The following TOPBP1 variants were observed in gnomAD, a reference collection of about 807,000 sequenced individuals.
The protein encoded by TOPBP1 is DNA topoisomerase 2-binding protein 1.
Under a neutral mutation model 167.7 loss-of-function variants are expected in TOPBP1, and 28 were observed. That is an observed-to-expected ratio of 0.17 (90% CI 0.12 to 0.23). The LOEUF is 0.23. Ranked by LOEUF, TOPBP1 falls within the 10% of genes least tolerant of loss-of-function variation. The pLI, the probability that TOPBP1 is intolerant of heterozygous loss-of-function variation, is 1.00. For synonymous variants in TOPBP1, 598 were observed against 611.4 expected (o/e 0.98, Z 0.32); for missense variants, 1,554 against 1,809.6 (o/e 0.86, Z 2.56).
rs1935745211 is a variant in TOPBP1, at chr3:133,638,170, T to C, written c.2234-8A>G. On this transcript the variant is annotated splice_polypyrimidine_tract_variant and splice_region_variant and intron_variant, in intron 13 of 27. Transcript: ENST00000260810. ...CTGTTTCCAAACTTCGTTCTAGAGA[T>C]TTAAAATGAAAAGAAACAAATATGA... is the stretch of plus-strand genomic sequence containing the variant. 1 of 1,609,944 alleles carries C rather than the reference T, an allele frequency of 6.2e-7. No individual in the cohort carries two copies. Among genetic ancestry groups the C allele is most frequent in the Admixed American group, 1.7e-5 (1 of 59,666 alleles).
At chr3:133,653,200 A>C (rs1936360031) in intron 7 of TOPBP1, 145 bp downstream of exon 7, 2 of 755,934 alleles carry the variant, frequency 2.6e-6, no homozygotes, top group East Asian at 6.4e-5. Flanking sequence ...CTTTTTATAC[A>C]ATTTGACTAT....
At chr3:133,654,358 A>C (rs1936406837) in intron 6 of TOPBP1, among the ~76,000 whole-genome samples, 1 of 152,222 alleles carries the variant, frequency 6.6e-6, no homozygotes, top group South Asian at 2.1e-4. Flanking sequence ...AAAATCTTCA[A>C]CACAATGTAT....
At chr3:133,612,938 G>A (rs1359432507) in intron 23 of TOPBP1, among the ~76,000 whole-genome samples, 2 of 151,860 alleles carry the variant, frequency 1.3e-5, no homozygotes, top group Non-Finnish European at 2.9e-5. Flanking sequence ...CATGATCTTG[G>A]CTCACCACAA....
chr3:133,648,612 A>C (rs1417831229), intron 10 of TOPBP1, among the ~76,000 whole-genome samples: 2 of 152,178 alleles, frequency 1.3e-5, no homozygotes, highest in African/African-American at 4.8e-5. Context: ...AGCCTGGCCA[A>C]CACTGAGAAA....
rs1418832134 is a variant in TOPBP1 at position 133,608,882 on chromosome 3, T to C, written c.4254A>G (p.Gly1418=). The change falls in exon 26 of 28, where the codon GGA becomes GGG. Residue 1418 remains glycine (G), a synonymous_variant. Coordinates refer to ENST00000260810, the MANE Select transcript of TOPBP1 (RefSeq NM_007027.4). The part of the protein sequence containing the change: ...EAGFKRLLQS[G]GAKVLPGHSV... The stretch of plus-strand genomic sequence containing the variant: ...TTAATTTGATACAAACCTTTGCTCC[T>C]CCTGACTGAAGAAGGCGTTTGAAGC... 6.2e-7 allele frequency: 1 copy of C among 1,611,828 alleles called. No homozygotes were observed. Among genetic ancestry groups the C allele is most frequent in the Non-Finnish European group, 8.5e-7 (1 of 1,179,344 alleles).
chr3:133,614,967 A>AT (rs940413288), intron 23 of TOPBP1, among the ~76,000 whole-genome samples: 1 of 151,872 alleles, frequency 6.6e-6, no homozygotes, highest in African/African-American at 2.4e-5. Flanking sequence ...CTTAGAACTT[A>AT]GAGTATAATA....
intron 25 of TOPBP1, among the ~76,000 whole-genome samples, chr3:133,609,553 T>TG (rs1443928088): frequency 2.0e-5 from 3 of 152,158 alleles, no homozygotes; most frequent in African/African-American, 2.4e-5. Flanking sequence ...CTCCAAGTGT[T>TG]GGGGGAGGGA....
chr3:133,639,300 T>C (rs999331228), intron 13 of TOPBP1, among the ~76,000 whole-genome samples: 6 of 152,178 alleles, frequency 3.9e-5, no homozygotes, highest in East Asian at 1.9e-4. Flanking sequence ...GATGAATTCA[T>C]GTCCTTTGTC....
intron 14 of TOPBP1, among the ~76,000 whole-genome samples, chr3:133,631,608 C>A (rs999540165): frequency 6.6e-6 from 1 of 152,094 alleles, no homozygotes; most frequent in Non-Finnish European, 1.5e-5. Flanking sequence ...ATTATGGGGG[C>A]GGATTTCCCC....
chr3:133,635,721 A>T (rs1935648826), intron 14 of TOPBP1, among the ~76,000 whole-genome samples: 2 of 152,230 alleles, frequency 1.3e-5, no homozygotes, highest in South Asian at 4.1e-4. Context: ...CACTTTGGCA[A>T]AAAATTTGTC....
At chr3:133,636,093 G>A (rs1391069618) in intron 14 of TOPBP1, among the ~76,000 whole-genome samples, 2 of 152,104 alleles carry the variant, frequency 1.3e-5, no homozygotes, top group Non-Finnish European at 2.9e-5. Flanking sequence ...TTAGAAGTCA[G>A]GAGTATACTT....
At chr3:133,630,281 G>A (rs189065077) in intron 14 of TOPBP1, among the ~76,000 whole-genome samples, 12 of 145,610 alleles carry the variant, frequency 8.2e-5, no homozygotes, top group Admixed American at 8.2e-4. Flanking sequence ...TTTATCATTT[G>A]TCAAATTTTT....
chr3:133,628,628 C>G lies in TOPBP1; in HGVS notation c.2626G>C (p.Ala876Pro). The change falls in exon 15 of 28, where the codon GCA becomes CCA. Residue 876 changes from alanine to proline, a missense_variant. Physicochemically the swap from Ala to Pro is conservative, Grantham distance 27. Coordinates refer to ENST00000260810, the MANE Select transcript of TOPBP1 (RefSeq NM_007027.4). ...GCGACAGCATTTCGAGAGCTATTTG[C>G]CAAAGCAAGTTGCAAGTTTTTGACA... Reference protein sequence around the residue: ...VIVKNLQLALANSSRNAVALS... With the variant: ...VIVKNLQLALPNSSRNAVALS... 6.2e-7 allele frequency: 1 copy of G among 1,605,494 alleles called. No individual in the cohort carries two copies. The highest frequency in any genetic ancestry group is 8.5e-7 in the Non-Finnish European group (1 of 1,175,862).
At chr3:133,659,235 T>C in intron 2 of TOPBP1, 85 bp from the exon 3 acceptor site, 2 of 1,350,060 alleles carry the variant, frequency 1.5e-6, no homozygotes, top group Non-Finnish European at 2.0e-6. Context: ...AAATCCAGCC[T>C]TTTCCCTATT....
At chr3:133,619,121 A>AC (rs1484029704) in intron 20 of TOPBP1, among the ~76,000 whole-genome samples, 3 of 145,482 alleles carry the variant, frequency 2.1e-5, no homozygotes, top group Non-Finnish European at 4.6e-5. Context: ...CAAAAAAAAA[A>AC]AAAACAAAAA....
At chr3:133,640,786 G>A (rs1935867819) in intron 12 of TOPBP1, among the ~76,000 whole-genome samples, 1 of 152,052 alleles carries the variant, frequency 6.6e-6, no homozygotes, top group South Asian at 2.1e-4. Context: ...AAAATGACAG[G>A]AGCAAAGTGT....
intron 5 of TOPBP1, 119 bp downstream of exon 5, chr3:133,656,555 GAA>G: frequency 2.1e-6 from 2 of 972,232 alleles, no homozygotes; most frequent in African/African-American, 1.7e-5. Flanking sequence ...TTTCGCTGGA[GAA>G]AAGAGTAATG....
rs1935996480 is a variant in TOPBP1 at position 133,644,190 on chromosome 3, C to T, written c.1678G>A (p.Val560Ile). Residue 560 changes from valine (V) to isoleucine (I), a missense_variant, in exon 11 of 28, where the codon GTT (valine) becomes ATT (isoleucine). Around this residue, in one of 3 missense-constraint regions of TOPBP1, gnomAD observed 1,197 missense variants for 1,351.5 expected, o/e 0.89. Coordinates refer to ENST00000260810, the MANE Select transcript of TOPBP1 (RefSeq NM_007027.4). ...EGLFSQKSFL[V>I]LGFSNENESN... ...TCATTTTCATTACTAAAACCCAAAA[C>T]AAGGAAACTCTTTTGGCTAAATAAG... 3 of 1,613,818 alleles carry T rather than the reference C, an allele frequency of 1.9e-6. No homozygotes were observed. The East Asian group carries it at 6.7e-5, about 36-fold the overall frequency.
intron 16 of TOPBP1, among the ~76,000 whole-genome samples, chr3:133,624,682 T>C (rs1372735712): frequency 1.3e-5 from 2 of 152,204 alleles, no homozygotes; most frequent in Admixed American, 1.3e-4. Context: ...TTCAAATTAA[T>C]AAATTGCAAA....
Sources: allele counts gnomAD v4.1 joint callset (sites outside exome capture counted in the v4.1 genomes callset), GRCh38; gene constraint gnomAD v4.1.1; regional missense constraint gnomAD v4.1.1; transcripts MANE v1.5; gene names NCBI Gene and HGNC (gene_info 2026-07-23, HGNC 2026-07-21).